TBC1D19: variants seen among roughly 807,000 people sequenced by gnomAD.
TBC1D19 encodes the protein TBC1 domain family, member 19.
A neutral mutation model predicts 89.0 loss-of-function variants in TBC1D19; 60 were observed. That is an observed-to-expected ratio of 0.67 (90% CI 0.55 to 0.84). The LOEUF is 0.84. Ranked by LOEUF, TBC1D19 falls within the 40% of genes least tolerant of loss-of-function variation. TBC1D19 has a pLI of 0.00. For synonymous variants in TBC1D19, 189 were observed against 199.7 expected, an observed-to-expected ratio of 0.95 and a Z score of 0.45; for missense variants, 500 against 610.8, an observed-to-expected ratio of 0.82 and a Z score of 1.91.
intron 13 of TBC1D19, among the ~76,000 whole-genome samples, chr4:26,689,902 A>G (rs1301049226): frequency 6.6e-6 from 1 of 152,210 alleles, no homozygotes; most frequent in Non-Finnish European, 1.5e-5. Context: ...CTTTAAATCA[A>G]AAGCTAGAAA....
intron 13 of TBC1D19, among the ~76,000 whole-genome samples, chr4:26,688,649 A>G (rs1714022153): frequency 6.6e-6 from 1 of 152,074 alleles, no homozygotes. Flanking sequence ...TATTATTGGC[A>G]GGTAAGTTTT....
intron 15 of TBC1D19, among the ~76,000 whole-genome samples, chr4:26,721,502 C>T (rs1716975681): frequency 1.3e-5 from 2 of 152,072 alleles, no homozygotes; most frequent in Non-Finnish European, 2.9e-5. Context: ...CTTACTATCT[C>T]TAGCTTGTTA....
chr4:26,739,416 C>A (rs921247951), intron 16 of TBC1D19, among the ~76,000 whole-genome samples: 1 of 152,056 alleles, frequency 6.6e-6, no homozygotes, highest in African/African-American at 2.4e-5. Context: ...AGTCATAAAT[C>A]ATCTGTTTTA....
At chr4:26,732,150 A>T (rs75543264) in intron 15 of TBC1D19, among the ~76,000 whole-genome samples, 1,524 of 152,330 alleles carry the variant, frequency 0.01, 31 homozygotes, top group African/African-American at 0.035. Flanking sequence ...CTTTGATAAG[A>T]TACACCCACC....
At chr4:26,671,531 A>G (rs1312711472) in intron 9 of TBC1D19, among the ~76,000 whole-genome samples, 1 of 151,754 alleles carries the variant, frequency 6.6e-6, no homozygotes, top group Non-Finnish European at 1.5e-5. Context: ...TTTTTTTTTA[A>G]AAATGTAATA....
chr4:26,748,533 G>A lies in TBC1D19; in HGVS notation c.1435+7G>A. 1 of 1,588,658 alleles carries A rather than the reference G, an allele frequency of 6.3e-7. No homozygotes were observed. The highest frequency in any genetic ancestry group is 2.2e-5 in the East Asian group (1 of 44,712). On this transcript the variant is annotated splice_region_variant and intron_variant, in intron 19 of 20. Coordinates refer to ENST00000264866, the MANE Select transcript of TBC1D19 (RefSeq NM_018317.4). ...TCTCTGGAAATTCTTGCTGGTAAGA[G>A]TAAATGCTTGTTTGTAGAACACATG...
At chr4:26,802,533 C>A in the TBC1D19 span, among the ~76,000 whole-genome samples, 1 of 152,028 alleles carries the variant, frequency 6.6e-6, no homozygotes, top group Non-Finnish European at 1.5e-5. Flanking sequence ...ACCTGGGAGG[C>A]GGAGGTTGCA....
chr4:26,659,733 C>T (rs1745101223), intron 8 of TBC1D19, 26 bp downstream of exon 8: 1 of 1,434,680 alleles, frequency 7.0e-7, no homozygotes, highest in East Asian at 2.3e-5. Context: ...TAAAAATAAA[C>T]ATCATTTAGA....
At chr4:26,628,741 A>G (rs1742599869) in intron 4 of TBC1D19, among the ~76,000 whole-genome samples, 1 of 152,028 alleles carries the variant, frequency 6.6e-6, no homozygotes, top group African/African-American at 2.4e-5. Flanking sequence ...CCAAATCATG[A>G]GTGAACTCCC....
the TBC1D19 span, among the ~76,000 whole-genome samples, chr4:26,820,877 T>C: frequency 2.6e-5 from 4 of 152,228 alleles, no homozygotes; most frequent in African/African-American, 9.6e-5. Context: ...CCCATTAGAC[T>C]GTAAGCTTCA....
At chr4:26,803,816 A>T in the TBC1D19 span, among the ~76,000 whole-genome samples, 1 of 150,880 alleles carries the variant, frequency 6.6e-6, no homozygotes, top group Admixed American at 6.6e-5. Flanking sequence ...GGCTGGGGAA[A>T]GGAGAGGAAA....
intron 4 of TBC1D19, among the ~76,000 whole-genome samples, chr4:26,626,355 G>A (rs1194490759): frequency 3.3e-5 from 5 of 152,126 alleles, no homozygotes; most frequent in Non-Finnish European, 7.4e-5. Flanking sequence ...AAGACATACA[G>A]TGTGATAAAT....
chr4:26,612,727 T>C (rs953270024), intron 1 of TBC1D19, among the ~76,000 whole-genome samples: 1 of 152,156 alleles, frequency 6.6e-6, no homozygotes, highest in Non-Finnish European at 1.5e-5. Context: ...ACAATGCATT[T>C]ACATTGAGAA....
chr4:26,597,511 G>A (rs1164720261), intron 1 of TBC1D19, among the ~76,000 whole-genome samples: 1 of 148,014 alleles, frequency 6.8e-6, no homozygotes, highest in Non-Finnish European at 1.5e-5. Context: ...AATCCAGACT[G>A]ACAGCTAGAG....
At chr4:26,802,831 A>C in the TBC1D19 span, among the ~76,000 whole-genome samples, 1 of 152,254 alleles carries the variant, frequency 6.6e-6, no homozygotes, top group Non-Finnish European at 1.5e-5. Context: ...CTTAAATAAC[A>C]GATACTTATT....
the TBC1D19 span, among the ~76,000 whole-genome samples, chr4:26,847,313 G>A: frequency 6.6e-6 from 1 of 152,230 alleles, no homozygotes; most frequent in Non-Finnish European, 1.5e-5. Flanking sequence ...TGGAAGTTAA[G>A]AAGCATCTGT....
At chr4:26,600,979 G>A (rs1210911820) in intron 1 of TBC1D19, among the ~76,000 whole-genome samples, 1 of 152,166 alleles carries the variant, frequency 6.6e-6, no homozygotes, top group African/African-American at 2.4e-5. Context: ...ATCTGTGGTA[G>A]GTTGGGCTCT....
chr4:26,827,962 A>G, the TBC1D19 span, among the ~76,000 whole-genome samples: 1 of 152,094 alleles, frequency 6.6e-6, no homozygotes, highest in Non-Finnish European at 1.5e-5. Flanking sequence ...TAGCTTTGAA[A>G]TGGTTCCTCT....
chr4:26,679,493 G>A (rs1475146765), intron 11 of TBC1D19, among the ~76,000 whole-genome samples: 7 of 152,186 alleles, frequency 4.6e-5, no homozygotes. Flanking sequence ...GCAGAAGTGT[G>A]CTGCAGGGAT....
Sources: allele counts gnomAD v4.1 joint callset (sites outside exome capture counted in the v4.1 genomes callset), GRCh38; gene constraint gnomAD v4.1.1; transcripts MANE v1.5; gene names NCBI Gene and HGNC (gene_info 2026-07-23, HGNC 2026-07-21).